The following CECR2 variants were observed in gnomAD, a reference collection of about 807,000 sequenced individuals.
CECR2 encodes the protein chromatin remodeling regulator CECR2.
In CECR2, 30 loss-of-function variants were observed where a neutral mutation model predicts 154.5. The observed-to-expected ratio is 0.19, with a 90% CI of 0.15 to 0.26. The LOEUF is 0.26. CECR2 is among the 10% of genes least tolerant of loss of function. CECR2 has a pLI of 1.00. For synonymous variants in CECR2, 725 were observed against 683.7 expected, an observed-to-expected ratio of 1.06 and a Z score of -0.94; for missense variants, 1,743 against 1,829.3, an observed-to-expected ratio of 0.95 and a Z score of 0.86.
At chr22:17,461,874 CCTCCGT>C (rs2054944184) in intron 1 of CECR2, among the ~76,000 whole-genome samples, 1 of 151,198 alleles carries the variant, frequency 6.6e-6, no homozygotes, top group Non-Finnish European at 1.5e-5. Flanking sequence ...CTCACTGCAA[CCTCCGT>C]CTCCAGGGTT....
At position 17,549,269 on chromosome 22, in the gene CECR2, G is replaced by C. The variant is rs1422904426; in HGVS notation, c.3982G>C (p.Gly1328Arg). 4 of 1,614,016 alleles carry C rather than the reference G, an allele frequency of 2.5e-6. No homozygotes were observed. The highest frequency in any genetic ancestry group is 3.4e-6 in the Non-Finnish European group (4 of 1,179,898). Residue 1328 changes from glycine (G) to arginine (R), a missense_variant, in exon 17 of 19, where the codon GGA becomes CGA. Gly to Arg is a moderately radical substitution (Grantham distance 125). Coordinates refer to ENST00000262608, the MANE Select transcript of CECR2 (RefSeq NM_001290047.2). ...TGGAACTCCTCCGCCTCTGAGTTCAGGAATGGGATTTGGTTCATCTGCATT... is the reference window on the plus strand; with the variant it reads ...TGGAACTCCTCCGCCTCTGAGTTCACGAATGGGATTTGGTTCATCTGCATT... ...LYGTPPPLSS[G>R]MGFGSSAFPP...
chr22:17,378,808 T>G (rs2063151671), intron 1 of CECR2, among the ~76,000 whole-genome samples: 1 of 152,212 alleles, frequency 6.6e-6, no homozygotes, highest in Non-Finnish European at 1.5e-5. Flanking sequence ...TAGATGAGTT[T>G]TTCCTTGTGA....
intron 1 of CECR2, among the ~76,000 whole-genome samples, chr22:17,474,398 T>C (rs1450152490): frequency 1.3e-5 from 2 of 152,222 alleles, no homozygotes; most frequent in African/African-American, 4.8e-5. Context: ...AGAGTTGGAA[T>C]ATTTAATAAG....
intron 8 of CECR2, chr22:17,518,762 T>C: frequency 2.7e-6 from 1 of 370,130 alleles, no homozygotes. Flanking sequence ...CCTTCACATT[T>C]GTCACAAATC....
intron 1 of CECR2, among the ~76,000 whole-genome samples, chr22:17,396,661 T>TA (rs1265786975): frequency 6.6e-6 from 1 of 152,212 alleles, no homozygotes; most frequent in African/African-American, 2.4e-5. Context: ...TAATGGCAGT[T>TA]AAAGTTTAAG....
intron 7 of CECR2, among the ~76,000 whole-genome samples, chr22:17,510,831 T>C (rs529602687): frequency 1.3e-5 from 2 of 152,270 alleles, no homozygotes; most frequent in South Asian, 4.1e-4. Flanking sequence ...GGTCTTGATC[T>C]CCTGACTTCG....
At chr22:17,494,355 C>T (rs1387604192) in intron 2 of CECR2, among the ~76,000 whole-genome samples, 1 of 151,726 alleles carries the variant, frequency 6.6e-6, no homozygotes, top group Non-Finnish European at 1.5e-5. Context: ...CCTGGCCAAA[C>T]TTTTTCATTT....
chr22:17,476,894 G>A (rs185216682), intron 1 of CECR2, among the ~76,000 whole-genome samples: 31 of 152,304 alleles, frequency 2.0e-4, no homozygotes, highest in Middle Eastern at 3.4e-3. Flanking sequence ...ACCACTTTTT[G>A]TCCAGTGGTC....
rs2056793542 is a variant in CECR2, at chr22:17,558,000, G to A, written c.*5160G>A. 1 of 152,196 alleles carries A rather than the reference G, an allele frequency of 6.6e-6. No homozygotes were observed. The highest frequency in any genetic ancestry group is 1.5e-5 in the Non-Finnish European group (1 of 68,036). 9.4% of individuals were successfully genotyped at this position (152,196 alleles called of 1,614,324 possible). On this transcript the variant is annotated 3_prime_UTR_variant, in exon 19 of 19. Transcript: ENST00000262608. ...GTCTGCTGATTCCCTGTTTCACTGA[G>A]AGCGACACTTACCTCAATAGTTAGT...
At chr22:17,505,819 G>A (rs2055832538) in intron 7 of CECR2, among the ~76,000 whole-genome samples, 1 of 141,398 alleles carries the variant, frequency 7.1e-6, no homozygotes, top group South Asian at 2.3e-4. Flanking sequence ...TTACAGGTGT[G>A]AGCCACTGCA....
intron 2 of CECR2, among the ~76,000 whole-genome samples, chr22:17,486,400 G>A (rs978973031): frequency 2.6e-5 from 4 of 152,200 alleles, no homozygotes; most frequent in African/African-American, 9.6e-5. Flanking sequence ...GCTGGACTCC[G>A]AGGAGGCCCC....
intron 16 of CECR2, among the ~76,000 whole-genome samples, chr22:17,545,139 C>T (rs1461082177): frequency 6.6e-6 from 1 of 151,994 alleles, no homozygotes; most frequent in Non-Finnish European, 1.5e-5. Context: ...CTTTGGGAGG[C>T]TGACGCGGGT....
chr22:17,523,010 G>GA (rs386819558), intron 8 of CECR2, among the ~76,000 whole-genome samples: 13 of 146,122 alleles, frequency 8.9e-5, no homozygotes, highest in South Asian at 4.4e-4. Flanking sequence ...ATCTCGGGGG[G>GA]AAAAAAAAAA....
chr22:17,552,706 G>A, intron 18 of CECR2, 129 bp from the exon 19 acceptor site: 1 of 876,068 alleles, frequency 1.1e-6, no homozygotes, highest in Non-Finnish European at 1.7e-6. Flanking sequence ...GAAGTAAACT[G>A]TAACTGATGA....
chr22:17,375,544 G>A (rs531923026), intron 1 of CECR2, among the ~76,000 whole-genome samples: 1 of 152,184 alleles, frequency 6.6e-6, no homozygotes, highest in Non-Finnish European at 1.5e-5. Flanking sequence ...ATGTCAAAAG[G>A]CCCCAAGTAG....
At chr22:17,512,128 T>A (rs1303895555) in intron 8 of CECR2, among the ~76,000 whole-genome samples, 1 of 152,142 alleles carries the variant, frequency 6.6e-6, no homozygotes, top group Non-Finnish European at 1.5e-5. Flanking sequence ...TGTCCACATT[T>A]AATAAGAATA....
intron 1 of CECR2, among the ~76,000 whole-genome samples, chr22:17,396,164 C>A (rs1273686977): frequency 6.6e-6 from 1 of 151,242 alleles, no homozygotes; most frequent in Non-Finnish European, 1.5e-5. Flanking sequence ...ATTGCTTGAG[C>A]CCAGGAGGTT....
intron 1 of CECR2, among the ~76,000 whole-genome samples, chr22:17,382,768 G>A (rs2063213616): frequency 6.6e-6 from 1 of 152,022 alleles, no homozygotes; most frequent in African/African-American, 2.4e-5. Context: ...AGTTGGGTGT[G>A]GTGGTGTGCA....
chr22:17,382,028 C>T (rs1389279102), intron 1 of CECR2, among the ~76,000 whole-genome samples: 1 of 150,706 alleles, frequency 6.6e-6, no homozygotes, highest in Non-Finnish European at 1.5e-5. Flanking sequence ...GCTGGGACTA[C>T]AGGCGCCTGC....
Sources: allele counts gnomAD v4.1 joint callset (sites outside exome capture counted in the v4.1 genomes callset), GRCh38; gene constraint gnomAD v4.1.1; transcripts MANE v1.5; gene names NCBI Gene and HGNC (gene_info 2026-07-23, HGNC 2026-07-21).